TGFB2: variants seen among roughly 807,000 people sequenced by gnomAD.
The protein encoded by TGFB2 is transforming growth factor beta 2.
A neutral mutation model predicts 42.7 loss-of-function variants in TGFB2; 13 were observed. That is an observed-to-expected ratio of 0.30 (90% CI 0.20 to 0.48). The LOEUF (loss-of-function observed/expected upper bound fraction) is 0.48. Ranked by LOEUF, TGFB2 falls within the 20% of genes least tolerant of loss-of-function variation. TGFB2 has a pLI of 0.99. For missense variants in TGFB2, 390 were observed against 517.5 expected (o/e 0.75, Z 2.39); for synonymous variants, 193 against 193.6 (o/e 1.00, Z 0.03).
intron 1 of TGFB2, among the ~76,000 whole-genome samples, chr1:218,374,767 T>C (rs1657686077): frequency 6.6e-6 from 1 of 152,226 alleles, no homozygotes; most frequent in South Asian, 2.1e-4. Flanking sequence ...GATTCATTCA[T>C]GTCCCCTGCT....
At position 218,442,158 on chromosome 1, in the gene TGFB2, T is replaced by C. The variant is rs1170327814; in HGVS notation, c.*796T>C. 1 of 152,130 alleles carries C rather than the reference T, an allele frequency of 6.6e-6. No homozygotes were observed. Among genetic ancestry groups the C allele is most frequent in the African/African-American group, 2.4e-5 (1 of 41,450 alleles). 9.4% of individuals were successfully genotyped at this position (152,130 alleles called of 1,614,324 possible). Reference sequence around the variant, plus strand: ...TCAGAATAAGTCTGTAAGTTTTTTTTTTTCTTTTTAATTGTAAATGGTTCT... The same window carrying C: ...TCAGAATAAGTCTGTAAGTTTTTTTCTTTCTTTTTAATTGTAAATGGTTCT... On this transcript the variant is annotated 3_prime_UTR_variant, in exon 7 of 7. Coordinates refer to ENST00000366930, the MANE Select transcript of TGFB2 (RefSeq NM_003238.6).
At chr1:218,426,745 G>A (rs376661781) in intron 2 of TGFB2, among the ~76,000 whole-genome samples, 16 of 152,086 alleles carry the variant, frequency 1.1e-4, no homozygotes, top group Admixed American at 3.3e-4. Context: ...AAAAACATAG[G>A]AGAGAGAAAC....
At chr1:218,385,712 CT>C (rs773872350) in intron 1 of TGFB2, among the ~76,000 whole-genome samples, 4 of 152,194 alleles carry the variant, frequency 2.6e-5, no homozygotes, top group Non-Finnish European at 4.4e-5. Flanking sequence ...CAAAATTAGG[CT>C]TTTCATAAGC....
intron 1 of TGFB2, among the ~76,000 whole-genome samples, chr1:218,358,743 C>T (rs1209051375): frequency 2.0e-5 from 3 of 151,922 alleles, no homozygotes; most frequent in Admixed American, 6.6e-5. Context: ...GGGGTTTCAC[C>T]GTGTTAGCCA....
chr1:218,402,852 C>T (rs1194019684), intron 1 of TGFB2, among the ~76,000 whole-genome samples: 1 of 152,216 alleles, frequency 6.6e-6, no homozygotes, highest in African/African-American at 2.4e-5. Flanking sequence ...GCAGCATCAG[C>T]CTGTGGAAGG....
chr1:218,378,173 ATTTATTTATTTATTT>A (rs1434163753), intron 1 of TGFB2, among the ~76,000 whole-genome samples: 2 of 59,912 alleles, frequency 3.3e-5, no homozygotes, highest in Non-Finnish European at 7.2e-5. Flanking sequence ...TTATTTATTT[ATTTATTTATTTATTT>A]AAGATGGAGT....
At chr1:218,433,587 G>A (rs1558261896) in intron 2 of TGFB2, among the ~76,000 whole-genome samples, 1 of 152,162 alleles carries the variant, frequency 6.6e-6, no homozygotes, top group Admixed American at 6.5e-5. Flanking sequence ...CAATGGATTT[G>A]GAAACCAAGG....
intron 1 of TGFB2, among the ~76,000 whole-genome samples, chr1:218,384,464 A>T (rs1487231689): frequency 6.6e-6 from 1 of 152,236 alleles, no homozygotes; most frequent in East Asian, 1.9e-4. Flanking sequence ...ATTACAAGTC[A>T]CTTCCGCTCT....
intron 2 of TGFB2, among the ~76,000 whole-genome samples, chr1:218,433,507 C>T (rs987872834): frequency 1.2e-4 from 18 of 152,188 alleles, no homozygotes; most frequent in African/African-American, 4.1e-4. Context: ...CATAACAAAT[C>T]ACATTAAGAG....
chr1:218,372,061 G>A (rs918754430), intron 1 of TGFB2, among the ~76,000 whole-genome samples: 3 of 152,096 alleles, frequency 2.0e-5, no homozygotes, highest in African/African-American at 7.2e-5. Context: ...GTAGCTCAGG[G>A]CTTGCAAGTT....
chr1:218,435,666 C>G (rs992704764), intron 4 of TGFB2, among the ~76,000 whole-genome samples: 2 of 152,192 alleles, frequency 1.3e-5, no homozygotes, highest in Non-Finnish European at 2.9e-5. Context: ...AATAAACTGC[C>G]TAGATTGCCC....
intron 5 of TGFB2, 115 bp from the exon 6 acceptor site, chr1:218,437,228 T>G: frequency 1.3e-5 from 13 of 1,027,616 alleles, no homozygotes; most frequent in African/African-American, 1.6e-5. Flanking sequence ...GCTCATTAGA[T>G]GTTTGTTGAA....
chr1:218,411,426 T>C (rs1659093112), intron 2 of TGFB2, among the ~76,000 whole-genome samples: 1 of 152,092 alleles, frequency 6.6e-6, no homozygotes, highest in African/African-American at 2.4e-5. Context: ...GGAACTTCAG[T>C]AGAATGACTG....
chr1:218,406,195 A>ACT (rs1395514994), intron 2 of TGFB2, among the ~76,000 whole-genome samples: 1 of 144,466 alleles, frequency 6.9e-6, no homozygotes, highest in East Asian at 2.0e-4. Flanking sequence ...CACTCAATAC[A>ACT]CACACACACA....
At chr1:218,375,872 C>T (rs1236775065) in intron 1 of TGFB2, among the ~76,000 whole-genome samples, 1 of 152,234 alleles carries the variant, frequency 6.6e-6, no homozygotes, top group East Asian at 1.9e-4. Flanking sequence ...GGCACGTTTA[C>T]CTATGTAACA....
At position 218,346,770 on chromosome 1, in the gene TGFB2, C is replaced by T. The variant is rs1460625202; in HGVS notation, c.69C>T (p.Thr23=). 1.2e-6 allele frequency: 2 copies of T among 1,614,172 alleles called. No homozygotes were observed. Among genetic ancestry groups the T allele is most frequent in the African/African-American group, 1.3e-5 (1 of 75,038 alleles). Residue 23 remains threonine (T), a synonymous_variant, in exon 1 of 7, where the codon ACC becomes ACT. Coordinates refer to ENST00000366930, the MANE Select transcript of TGFB2 (RefSeq NM_003238.6). This position sits in a 1 kb window ranked among gnomAD's most constrained non-coding sequence, Gnocchi z 4.9. ...TCACGGTCGCGCTCAGCCTGTCTAC[C>T]TGCAGCACACTCGATATGGACCAGT... ...HLVTVALSLS[T]CSTLDMDQFM...
At position 218,346,697 on chromosome 1, in the gene TGFB2, A is replaced by T. The variant is rs200702935; in HGVS notation, c.-5A>T. ...AAACAACTTTTTTTTCCACTTTTTT[A>T]AAAAATGCACTACTGTGTGCTGAGC... On this transcript the variant is annotated 5_prime_UTR_variant, in exon 1 of 7. Coordinates refer to ENST00000366930, the MANE Select transcript of TGFB2 (RefSeq NM_003238.6). This position sits in a 1 kb window ranked among gnomAD's most constrained non-coding sequence, Gnocchi z 4.9. 3.4e-4 allele frequency: 527 copies of T among 1,568,956 alleles called. No individual in the cohort carries two copies. The highest frequency in any genetic ancestry group is 5.2e-4 in the Admixed American group (24 of 46,160).
intron 6 of TGFB2, among the ~76,000 whole-genome samples, chr1:218,437,984 A>G (rs1436738800): frequency 6.6e-6 from 1 of 152,206 alleles, no homozygotes; most frequent in Non-Finnish European, 1.5e-5. Flanking sequence ...CATTTGGGGA[A>G]CATTCCAGAT....
intron 2 of TGFB2, among the ~76,000 whole-genome samples, chr1:218,406,649 C>A (rs148243244): frequency 1.3e-5 from 2 of 152,118 alleles, no homozygotes; most frequent in Admixed American, 6.5e-5. Context: ...TTTGATGAGG[C>A]CTTGAGACGT....
Sources: gnomAD v4.1 joint callset for allele counts (sites outside exome capture counted in the v4.1 genomes callset) on GRCh38, gnomAD v4.1.1 for gene constraint, Gnocchi (gnomAD v3.1) non-coding constraint, MANE v1.5 for transcripts, NCBI Gene and HGNC (gene_info 2026-07-23, HGNC 2026-07-21) for gene names.